SLC16A3: variants seen among roughly 807,000 people sequenced by gnomAD.
SLC16A3 encodes the protein solute carrier family 16 member 3.
Under a neutral mutation model 25.0 loss-of-function variants are expected in SLC16A3, and 22 were observed. That is an observed-to-expected ratio of 0.88 (90% confidence interval 0.63 to 1.26). SLC16A3 has a LOEUF of 1.26. SLC16A3 is among the 50% of genes most tolerant of loss of function. The pLI is 0.00. For synonymous variants in SLC16A3, 390 were observed against 309.2 expected (o/e 1.26, Z -2.74); for missense variants, 731 against 666.6 (o/e 1.10, Z -1.06).
upstream of SLC16A3, among the ~76,000 whole-genome samples, chr17:82,223,529 G>T (rs1568529810): frequency 6.6e-6 from 1 of 151,972 alleles, no homozygotes; most frequent in Non-Finnish European, 1.5e-5. Flanking sequence ...TTTTGAGACA[G>T]AGTCTTGGTC....
chr17:82,234,051 AGGATGGT>A (rs2050551051), intron 1 of SLC16A3: 1 of 58,488 alleles, frequency 1.7e-5, no homozygotes, highest in Admixed American at 2.2e-4. Context: ...CGTGTTAGCC[AGGATGGT>A]CTCGATCTCC....
chr17:82,237,984 CCA>C, intron 4 of SLC16A3, 91 bp downstream of exon 4: 1 of 1,426,592 alleles, frequency 7.0e-7, no homozygotes, highest in South Asian at 1.3e-5. Context: ...CCCTCGGCAG[CCA>C]CCCGCAGTGT....
chr17:82,226,767 C>T (rs887981035), upstream of SLC16A3, among the ~76,000 whole-genome samples: 1 of 152,118 alleles, frequency 6.6e-6, no homozygotes, highest in Non-Finnish European at 1.5e-5. Flanking sequence ...GTGCCAGAAT[C>T]CTCGGAGAGG....
upstream of SLC16A3, among the ~76,000 whole-genome samples, chr17:82,224,979 G>A (rs1234081616): frequency 6.6e-6 from 1 of 152,214 alleles, no homozygotes; most frequent in African/African-American, 2.4e-5. Flanking sequence ...GCCACTCCCT[G>A]GGAAGGACCA....
chr17:82,229,137 C>G lies in SLC16A3; in HGVS notation c.-27+31C>G, dbSNP rs567051752. On this transcript the variant is annotated intron_variant, in intron 1 of 4. Transcript: ENST00000582743. ...CGCGGCCGCGATGCTCGCGCGCGGG[C>G]CGGGGCCCAGGAGCTCCCCCGTGCC... is the stretch of plus-strand genomic sequence containing the variant. 6.7e-3 allele frequency: 1,019 copies of G among 151,782 alleles called. 3 individuals carry two copies. The highest frequency in any genetic ancestry group is 9.0e-3 in the Non-Finnish European group (608 of 67,826). The allele number at this position is 151,782 out of a possible 1,614,324, so 9.4% of individuals were successfully genotyped here. A position where few individuals can be genotyped will look rare whatever the true frequency, so the allele number is the denominator to read the frequency against.
chr17:82,234,725 C>T (rs758329314), intron 1 of SLC16A3: 3 of 152,248 alleles, frequency 2.0e-5, no homozygotes, highest in Non-Finnish European at 4.4e-5. Flanking sequence ...AGGTCCTGGC[C>T]CTTGTGCATG....
At chr17:82,227,282 C>T (rs1394427176), upstream of SLC16A3, among the ~76,000 whole-genome samples, 3 of 152,082 alleles carry the variant, frequency 2.0e-5, no homozygotes, top group Non-Finnish European at 1.5e-5. Context: ...GGCTCTCTGG[C>T]TCTGTCTCCC....
In SLC16A3 at chr17:82,240,076, C is replaced by T. The variant is rs2050721065; in HGVS notation, c.*1100C>T. ...GTCCCTGCTCCTCTGCAATGAAAAG[C>T]AAGCGAAAAGTGCACATCTCAGGTC... On this transcript the variant is annotated 3_prime_UTR_variant, in exon 5 of 5. Coordinates refer to ENST00000582743, the MANE Select transcript of SLC16A3 (RefSeq NM_004207.4). The T allele has an allele frequency of 8.1e-7, 1 of 1,233,742 alleles. No homozygotes were observed. The highest frequency in any genetic ancestry group is 1.0e-6 in the Non-Finnish European group (1 of 987,848). 76.4% of individuals were successfully genotyped at this position (1,233,742 alleles called of 1,614,324 possible). A position where few individuals can be genotyped will look rare whatever the true frequency, so the allele number is the denominator to read the frequency against.
At chr17:82,219,050 C>T (rs766899956) in intron 1 of SLC16A3, among the ~76,000 whole-genome samples, 14 of 152,088 alleles carry the variant, frequency 9.2e-5, no homozygotes, top group African/African-American at 7.2e-5. Context: ...TCGGGGTTAC[C>T]GTGAGAGGAA....
At position 82,239,854 on chromosome 17, in the gene SLC16A3, C is replaced by G. The variant is rs2050715768; in HGVS notation, c.*878C>G. 3 of 520,232 alleles carry G rather than the reference C, an allele frequency of 5.8e-6. No homozygotes were observed. The East Asian group carries it at 1.1e-4, about 18-fold the overall frequency. 32.2% of individuals were successfully genotyped at this position (520,232 alleles called of 1,614,324 possible). A position where few individuals can be genotyped will look rare whatever the true frequency, so the allele number is the denominator to read the frequency against. On this transcript the variant is annotated 3_prime_UTR_variant, in exon 5 of 5. Transcript: ENST00000582743. ...TCAGTGCCCAGGGCTGGTCTTTGCA[C>G]CCTGTCCTCCATCCAGCCCGGCCCA... is the stretch of plus-strand genomic sequence containing the variant.
chr17:82,222,606 C>A (rs1030154536), intron 1 of SLC16A3, among the ~76,000 whole-genome samples: 2 of 152,080 alleles, frequency 1.3e-5, no homozygotes, highest in African/African-American at 2.4e-5. Context: ...GAGTTCGAGA[C>A]CAGCGTGACC....
At chr17:82,237,927 C>A in intron 4 of SLC16A3, 34 bp downstream of exon 4, 1 of 1,584,170 alleles carries the variant, frequency 6.3e-7, no homozygotes, top group Non-Finnish European at 8.5e-7. Context: ...TTCCCCACAC[C>A]TGCCCTTCCC....
chr17:82,232,273 CTG>C (rs1430754316), intron 1 of SLC16A3: 1 of 152,408 alleles, frequency 6.6e-6, no homozygotes, highest in Non-Finnish European at 1.5e-5. Context: ...GCTCAGGCCA[CTG>C]CACGGACCCA....
At chr17:82,220,346 C>T (rs1313270759) in intron 1 of SLC16A3, among the ~76,000 whole-genome samples, 4 of 152,308 alleles carry the variant, frequency 2.6e-5, no homozygotes, top group Non-Finnish European at 5.9e-5. Context: ...GGTAGGGCTC[C>T]ACTCCACCCC....
In SLC16A3 at chr17:82,237,693, C is replaced by T. The variant is rs549201952; in HGVS notation, c.923C>T (p.Ala308Val). Reference sequence around the variant, plus strand: ...TTCTCCATGTTCTTCAACGGCCTCGCGGACCTGGCGGGTTCTACGGCGGGC... The same window carrying T: ...TTCTCCATGTTCTTCAACGGCCTCGTGGACCTGGCGGGTTCTACGGCGGGC... Reference protein sequence around the residue: ...FSFSMFFNGLADLAGSTAGDY... With the variant: ...FSFSMFFNGLVDLAGSTAGDY... The change falls in exon 4 of 5, where the codon GCG becomes GTG. Residue 308 changes from alanine to valine, a missense_variant. Coordinates refer to ENST00000582743, the MANE Select transcript of SLC16A3 (RefSeq NM_004207.4). 9.3e-5 allele frequency: 150 copies of T among 1,612,806 alleles called. No homozygotes were observed. The highest frequency in any genetic ancestry group is 1.1e-4 in the Non-Finnish European group (133 of 1,179,792).
chr17:82,232,913 G>A (rs1434345781), intron 1 of SLC16A3, among the ~76,000 whole-genome samples: 4 of 146,974 alleles, frequency 2.7e-5, no homozygotes, highest in Non-Finnish European at 6.0e-5. Flanking sequence ...CTTCCTGGGG[G>A]GCGGCGGGGG....
chr17:82,237,417 G>A lies in SLC16A3; in HGVS notation c.647G>A (p.Arg216His), dbSNP rs370074725. The A allele has an allele frequency of 2.4e-5, 38 of 1,572,054 alleles. No homozygotes were observed. Among genetic ancestry groups the A allele is most frequent in the Non-Finnish European group, 3.0e-5 (35 of 1,159,434 alleles). ...TCGGGGCCGCCGCGACCCTCCCGGCGCCTGCTAGACCTGAGCGTCTTCCGG... is the reference window on the plus strand; with the variant it reads ...TCGGGGCCGCCGCGACCCTCCCGGCACCTGCTAGACCTGAGCGTCTTCCGG... Reference protein sequence around the residue: ...PGSGPPRPSRRLLDLSVFRDR... With the variant: ...PGSGPPRPSRHLLDLSVFRDR... The change falls in exon 4 of 5, where the codon CGC becomes CAC. Residue 216 changes from arginine (R) to histidine (H), a missense_variant. Transcript: ENST00000582743.
At chr17:82,236,991 C>G in intron 3 of SLC16A3, 119 bp downstream of exon 3, 1 of 1,480,268 alleles carries the variant, frequency 6.8e-7, no homozygotes, top group Non-Finnish European at 9.1e-7. Context: ...TGTCCCGGCC[C>G]CACCTCGTTG....
chr17:82,237,549 A>T lies in SLC16A3; in HGVS notation c.779A>T (p.Asp260Val), dbSNP rs2050638611. Residue 260 changes from aspartate (D) to valine (V), a missense_variant, in exon 4 of 5, where the codon GAC becomes GTC. Physicochemically the swap from Asp to Val is radical, Grantham distance 152. Coordinates refer to ENST00000582743, the MANE Select transcript of SLC16A3 (RefSeq NM_004207.4). ...VSYAKDLGVP[D>V]TKAAFLLTIL... ...TACGCCAAGGACCTGGGCGTGCCCG[A>T]CACCAAGGCCGCCTTCCTGCTCACC... 1 of 1,611,074 alleles carries T rather than the reference A, an allele frequency of 6.2e-7. No homozygotes were observed. The highest frequency in any genetic ancestry group is 1.7e-5 in the Admixed American group (1 of 59,958).
Sources: gnomAD v4.1 joint callset for allele counts (sites outside exome capture counted in the v4.1 genomes callset) on GRCh38, gnomAD v4.1.1 for gene constraint, MANE v1.5 for transcripts, NCBI Gene and HGNC (gene_info 2026-07-23, HGNC 2026-07-21) for gene names.